Variants in RHOA observed in about 807,000 individuals in gnomAD.
RHOA encodes the protein transforming protein RhoA.
In RHOA, 3 loss-of-function variants were observed where a neutral mutation model predicts 17.5. That is an observed-to-expected ratio of 0.17 (90% CI 0.08 to 0.44). The LOEUF (loss-of-function observed/expected upper bound fraction) is 0.44. Ranked by LOEUF, RHOA falls within the 20% of genes least tolerant of loss-of-function variation. The pLI is 0.99. For missense variants in RHOA, 56 were observed against 242.3 expected, an observed-to-expected ratio of 0.23 and a Z score of 5.10; for synonymous variants, 98 against 88.4, an observed-to-expected ratio of 1.11 and a Z score of -0.61.
intron 1 of RHOA, among the ~76,000 whole-genome samples, chr3:49,402,445 CT>C (rs1232357765): frequency 1.3e-5 from 2 of 152,142 alleles, no homozygotes; most frequent in African/African-American, 4.8e-5. Flanking sequence ...AATCCCACCA[CT>C]TTGCGAGGCC....
At chr3:49,406,505 A>C (rs2048834463) in intron 1 of RHOA, among the ~76,000 whole-genome samples, 1 of 152,222 alleles carries the variant, frequency 6.6e-6, no homozygotes, top group African/African-American at 2.4e-5. Context: ...TGGCCAGGGT[A>C]GCTCACGCCC....
At chr3:49,393,998 G>A (rs1242588042) in intron 1 of RHOA, among the ~76,000 whole-genome samples, 1 of 151,386 alleles carries the variant, frequency 6.6e-6, no homozygotes, top group Non-Finnish European at 1.5e-5. Flanking sequence ...AGCCTCCCAA[G>A]TAGCTAGGAC....
chr3:49,400,273 C>T (rs2048701908), intron 1 of RHOA, among the ~76,000 whole-genome samples: 1 of 148,348 alleles, frequency 6.7e-6, no homozygotes, highest in Non-Finnish European at 1.5e-5. Flanking sequence ...TCTCCCCCAA[C>T]ATCTTCCCTA....
intron 2 of RHOA, among the ~76,000 whole-genome samples, chr3:49,370,956 C>G (rs1364079491): frequency 6.6e-6 from 1 of 152,156 alleles, no homozygotes; most frequent in East Asian, 1.9e-4. Flanking sequence ...CACAAATAAC[C>G]TCCACAAGGC....
chr3:49,376,121 G>A (rs1197211235), intron 1 of RHOA, among the ~76,000 whole-genome samples: 7 of 151,934 alleles, frequency 4.6e-5, no homozygotes, highest in African/African-American at 7.2e-5. Context: ...GATTACAGGC[G>A]TGAGCCACCA....
chr3:49,384,503 T>C lies in RHOA; in HGVS notation c.-2-8912A>G, dbSNP rs556405412. Among the ~76,000 whole-genome samples, 154 of 151,998 alleles carry C rather than the reference T, an allele frequency of 1.0e-3. No individual in the cohort carries two copies. The Middle Eastern group carries it at 0.01, about 10-fold the overall frequency. On this transcript the variant is annotated intron_variant, in intron 1 of 4. Coordinates refer to ENST00000418115, the MANE Select transcript of RHOA (RefSeq NM_001664.4). ...AATACACAAATAACAGTATTTCTTT[T>C]ACAACTTTTAATTTTTTTTTTTTGA...
intron 1 of RHOA, among the ~76,000 whole-genome samples, chr3:49,406,298 C>G (rs2048831818): frequency 6.6e-6 from 1 of 152,038 alleles, no homozygotes; most frequent in African/African-American, 2.4e-5. Flanking sequence ...GGAAGAGACA[C>G]CAGAGAATCA....
chr3:49,371,341 G>A (rs561316592), intron 2 of RHOA, among the ~76,000 whole-genome samples: 5 of 151,080 alleles, frequency 3.3e-5, no homozygotes, highest in South Asian at 2.1e-4. Flanking sequence ...GTGCAGTGGC[G>A]CAGTCTCAGT....
intron 2 of RHOA, among the ~76,000 whole-genome samples, chr3:49,371,670 G>A (rs1445609993): frequency 2.6e-5 from 4 of 152,170 alleles, no homozygotes; most frequent in Non-Finnish European, 5.9e-5. Context: ...CAGGCAGGTA[G>A]CCTGTAATAT....
At chr3:49,385,562 G>T (rs957210384) in intron 1 of RHOA, among the ~76,000 whole-genome samples, 1 of 151,758 alleles carries the variant, frequency 6.6e-6, no homozygotes. Flanking sequence ...TTTTTTTGAT[G>T]ATGCCCTTTG....
intron 1 of RHOA, among the ~76,000 whole-genome samples, chr3:49,408,663 T>C (rs2048879512): frequency 1.4e-5 from 2 of 139,578 alleles, no homozygotes; most frequent in Admixed American, 6.9e-5. Context: ...AAGAGCCCCA[T>C]GTATAGCAAG....
chr3:49,384,089 A>C (rs1445793503), intron 1 of RHOA, among the ~76,000 whole-genome samples: 1 of 152,174 alleles, frequency 6.6e-6, no homozygotes, highest in African/African-American at 2.4e-5. Flanking sequence ...GCCCAGAAAA[A>C]GAATAAAATC....
In RHOA at chr3:49,372,810, C is replaced by G. The variant is rs551727816; in HGVS notation, c.156+2624G>C. Among the ~76,000 whole-genome samples the G allele has an allele frequency of 2.7e-4, 41 of 151,282 alleles. 1 individual carries two copies. In the South Asian group the frequency reaches 7.3e-3, roughly 27 times the overall value. On this transcript the variant is annotated intron_variant, in intron 2 of 4. Coordinates refer to ENST00000418115, the MANE Select transcript of RHOA (RefSeq NM_001664.4). ...ATGGCAGTATTCATCTCTTAGAAAG[C>G]GCTTTGGTGCTGCCAAACATTTTCC...
At position 49,391,807 on chromosome 3, in the gene RHOA, G is replaced by A. The variant is rs898408785; in HGVS notation, c.-2-16216C>T. On this transcript the variant is annotated intron_variant, in intron 1 of 4. Coordinates refer to ENST00000418115, the MANE Select transcript of RHOA (RefSeq NM_001664.4). The stretch of plus-strand genomic sequence containing the variant: ...ATTACAGGCGTGAGCCACTGTGCCC[G>A]GCCTAATTAATTTATCTTTTTTTTT... Among the ~76,000 whole-genome samples, 66 of 149,478 alleles carry A rather than the reference G, an allele frequency of 4.4e-4. 1 individual carries two copies. Among genetic ancestry groups the A allele is most frequent in the Non-Finnish European group, 7.1e-4 (48 of 67,536 alleles).
intron 3 of RHOA, among the ~76,000 whole-genome samples, chr3:49,367,342 C>CAAAAAAAAAAAAG (rs554495724): frequency 1.2e-5 from 1 of 80,482 alleles, no homozygotes; most frequent in Non-Finnish European, 2.3e-5. Flanking sequence ...GACTCCCTCT[C>CAAAAAAAAAAAAG]AAAAAAAAAA....
chr3:49,408,415 TTTTC>T (rs1257115607), intron 1 of RHOA, among the ~76,000 whole-genome samples: 2 of 152,180 alleles, frequency 1.3e-5, no homozygotes, highest in Non-Finnish European at 2.9e-5. Flanking sequence ...TATTTGATGT[TTTTC>T]TTTATTATTA....
At chr3:49,402,503 A>G in intron 1 of RHOA, among the ~76,000 whole-genome samples, 1 of 151,648 alleles carries the variant, frequency 6.6e-6, no homozygotes, top group Non-Finnish European at 1.5e-5. Context: ...GCAAAACGTC[A>G]TCTCTATAAA....
intron 1 of RHOA, among the ~76,000 whole-genome samples, chr3:49,409,653 C>T (rs1325462613): frequency 6.6e-6 from 1 of 152,080 alleles, no homozygotes. Context: ...TGGACTCCAC[C>T]CCATGGACAA....
intron 1 of RHOA, 49 bp from the exon 2 acceptor site, chr3:49,375,640 G>C (rs774364118): frequency 6.3e-7 from 1 of 1,580,548 alleles, no homozygotes; most frequent in Admixed American, 1.7e-5. Flanking sequence ...GAAGTCATAG[G>C]TAGCTTACAG....
Sources: gnomAD v4.1 joint callset for allele counts (sites outside exome capture counted in the v4.1 genomes callset) on GRCh38, gnomAD v4.1.1 for gene constraint, MANE v1.5 for transcripts, NCBI Gene and HGNC (gene_info 2026-07-23, HGNC 2026-07-21) for gene names.